The following MARCHF1 variants were observed in gnomAD, a reference collection of about 807,000 sequenced individuals.
The protein encoded by MARCHF1 is E3 ubiquitin-protein ligase MARCHF1.
In MARCHF1, 40 loss-of-function variants were observed where a neutral mutation model predicts 54.2. The ratio of observed to expected loss-of-function variants is 0.74; its 90% CI spans 0.57 to 0.96. MARCHF1 has a LOEUF of 0.96. Ranked by LOEUF, MARCHF1 falls within the 40% of genes least tolerant of loss-of-function variation. The pLI is 0.00. For missense variants in MARCHF1, 586 were observed against 656.5 expected, an observed-to-expected ratio of 0.89 and a Z score of 1.17; for synonymous variants, 236 against 236.3, an observed-to-expected ratio of 1.00 and a Z score of 0.01.
chr4:163,632,254 G>A (rs890060504), intron 5 of MARCHF1, among the ~76,000 whole-genome samples: 13 of 152,152 alleles, frequency 8.5e-5, no homozygotes, highest in East Asian at 1.9e-4. Context: ...CAAGATGGCC[G>A]AATAGGAACA....
chr4:163,961,061 A>G (rs1752337949), intron 3 of MARCHF1, among the ~76,000 whole-genome samples: 1 of 151,800 alleles, frequency 6.6e-6, no homozygotes, highest in Non-Finnish European at 1.5e-5. Flanking sequence ...ACCCTGTTGG[A>G]TTAGGGTCCC....
At chr4:163,637,842 C>G (rs1190841933) in intron 5 of MARCHF1, among the ~76,000 whole-genome samples, 5 of 151,540 alleles carry the variant, frequency 3.3e-5, no homozygotes, top group African/African-American at 1.2e-4. Flanking sequence ...TGGAACCAAC[C>G]CAAATGTCCA....
At chr4:164,225,260 T>C (rs1732219173) in intron 1 of MARCHF1, among the ~76,000 whole-genome samples, 1 of 152,116 alleles carries the variant, frequency 6.6e-6, no homozygotes, top group South Asian at 2.1e-4. Flanking sequence ...ATAGATTTTT[T>C]GTCTCAAGTA....
intron 5 of MARCHF1, among the ~76,000 whole-genome samples, chr4:163,664,389 T>A (rs981626918): frequency 2.0e-5 from 3 of 152,110 alleles, no homozygotes; most frequent in Non-Finnish European, 4.4e-5. Context: ...TCAAAAAAAA[T>A]TCTAAGGCAG....
At chr4:163,833,787 C>T (rs898077610) in intron 4 of MARCHF1, among the ~76,000 whole-genome samples, 3 of 152,040 alleles carry the variant, frequency 2.0e-5, no homozygotes, top group African/African-American at 4.8e-5. Flanking sequence ...GGATGTAATT[C>T]AGAGATCACA....
intron 1 of MARCHF1, among the ~76,000 whole-genome samples, chr4:164,378,716 GT>G (rs1286015092): frequency 6.6e-6 from 1 of 152,052 alleles, no homozygotes; most frequent in African/African-American, 2.4e-5. Flanking sequence ...TTATAAGTTT[GT>G]TTTTTGTTTT....
chr4:164,354,529 T>C (rs200383615), intron 1 of MARCHF1, among the ~76,000 whole-genome samples: 6,295 of 125,900 alleles, frequency 0.05, 313 homozygotes, highest in East Asian at 0.23. Flanking sequence ...ATTATCTCAA[T>C]AGATGCAGAA....
chr4:163,613,287 G>C (rs764389410), intron 6 of MARCHF1, 27 bp downstream of exon 6: 12 of 1,583,170 alleles, frequency 7.6e-6, no homozygotes, highest in Non-Finnish European at 1.0e-5. Flanking sequence ...AAAGAATATA[G>C]ATTAAGATAA....
chr4:163,588,587 C>T (rs1025489879), intron 7 of MARCHF1, among the ~76,000 whole-genome samples: 2 of 152,110 alleles, frequency 1.3e-5, no homozygotes, highest in African/African-American at 4.8e-5. Context: ...CATCTCCTGC[C>T]TCCACAAAAA....
intron 3 of MARCHF1, among the ~76,000 whole-genome samples, chr4:163,923,122 G>T (rs1378961221): frequency 6.6e-6 from 1 of 152,054 alleles, no homozygotes; most frequent in African/African-American, 2.4e-5. Flanking sequence ...ATCCAGGGTT[G>T]CTAAACTTCA....
chr4:164,297,745 T>C (rs911449950), intron 1 of MARCHF1, among the ~76,000 whole-genome samples: 25 of 152,112 alleles, frequency 1.6e-4, no homozygotes, highest in African/African-American at 5.1e-4. Context: ...TGGTTATCAG[T>C]GAATGAATAC....
intron 1 of MARCHF1, among the ~76,000 whole-genome samples, chr4:164,186,547 C>T (rs192914959): frequency 1.7e-3 from 262 of 152,234 alleles, no homozygotes; most frequent in Admixed American, 3.7e-3. Flanking sequence ...CCCTACTGTT[C>T]CATTCTTAAA....
At chr4:163,613,177 T>G (rs1379944063) in intron 6 of MARCHF1, 137 bp downstream of exon 6, 1 of 1,237,002 alleles carries the variant, frequency 8.1e-7, no homozygotes, top group African/African-American at 1.5e-5. Context: ...ATGAACTAAA[T>G]GAAAAAAAAT....
chr4:164,329,224 C>A (rs185853547), intron 1 of MARCHF1, among the ~76,000 whole-genome samples: 1 of 152,142 alleles, frequency 6.6e-6, no homozygotes, highest in Non-Finnish European at 1.5e-5. Context: ...TTGACCTCCA[C>A]GACAACCTTT....
intron 5 of MARCHF1, among the ~76,000 whole-genome samples, chr4:163,670,918 T>C (rs1305623164): frequency 6.6e-6 from 1 of 152,234 alleles, no homozygotes; most frequent in Non-Finnish European, 1.5e-5. Context: ...AATTTGTTTT[T>C]ATTTCTGTTT....
At chr4:164,339,375 C>G (rs999520823) in intron 1 of MARCHF1, among the ~76,000 whole-genome samples, 2 of 152,132 alleles carry the variant, frequency 1.3e-5, no homozygotes, top group African/African-American at 2.4e-5. Context: ...TAATAATTAT[C>G]TTTTCCAACC....
chr4:163,785,402 A>C (rs937117779), intron 4 of MARCHF1, among the ~76,000 whole-genome samples: 4 of 152,064 alleles, frequency 2.6e-5, no homozygotes, highest in Admixed American at 2.6e-4. Context: ...CTGGTAGTTC[A>C]CACCCTGACA....
intron 3 of MARCHF1, among the ~76,000 whole-genome samples, chr4:163,889,162 A>T (rs1750601300): frequency 1.3e-5 from 2 of 152,184 alleles, no homozygotes; most frequent in Admixed American, 1.3e-4. Context: ...GTAGTTTATC[A>T]CATATATTAC....
At chr4:164,182,788 C>G (rs1197163145) in intron 1 of MARCHF1, among the ~76,000 whole-genome samples, 1 of 151,920 alleles carries the variant, frequency 6.6e-6, no homozygotes, top group African/African-American at 2.4e-5. Context: ...ATTTGATATT[C>G]TTTATACTTT....
Sources: allele counts gnomAD v4.1 joint callset (sites outside exome capture counted in the v4.1 genomes callset), GRCh38; gene constraint gnomAD v4.1.1; transcripts MANE v1.5; gene names NCBI Gene and HGNC (gene_info 2026-07-23, HGNC 2026-07-21).